Variants in RBPJ observed in about 807,000 individuals in gnomAD.
The protein encoded by RBPJ is recombining binding protein suppressor of hairless.
A neutral mutation model predicts 67.8 loss-of-function variants in RBPJ; 9 were observed. The ratio of observed to expected loss-of-function variants is 0.13; its 90% confidence interval spans 0.08 to 0.23. The LOEUF (loss-of-function observed/expected upper bound fraction) is 0.23. Among genes scored for constraint, RBPJ ranks in the 10% least tolerant of loss-of-function variants. RBPJ has a pLI of 1.00. For missense variants in RBPJ, 305 were observed against 595.6 expected, an observed-to-expected ratio of 0.51 and a Z score of 5.08; for synonymous variants, 198 against 203.3, an observed-to-expected ratio of 0.97 and a Z score of 0.22.
intron 1 of RBPJ, among the ~76,000 whole-genome samples, chr4:26,360,526 C>T (rs1050504807): frequency 6.6e-6 from 1 of 151,088 alleles, no homozygotes; most frequent in Non-Finnish European, 1.5e-5. Flanking sequence ...TGGGACCTCA[C>T]AGCATAAAGG....
At chr4:26,282,068 G>C (rs940557772) in intron 1 of RBPJ, among the ~76,000 whole-genome samples, 1 of 151,632 alleles carries the variant, frequency 6.6e-6, no homozygotes, top group Non-Finnish European at 1.5e-5. Flanking sequence ...TCTAGGAAGA[G>C]AGTCAGTTTC....
chr4:26,131,350 A>T, the RBPJ span, among the ~76,000 whole-genome samples: 1 of 152,184 alleles, frequency 6.6e-6, no homozygotes, highest in Non-Finnish European at 1.5e-5. Flanking sequence ...GCAATTTTTT[A>T]AAAAATGTTA....
chr4:26,351,348 A>G (rs1726780082), intron 1 of RBPJ, among the ~76,000 whole-genome samples: 1 of 152,102 alleles, frequency 6.6e-6, no homozygotes, highest in Non-Finnish European at 1.5e-5. Flanking sequence ...TTGATCACAT[A>G]CTTAGGTCTC....
Position 26,327,788 on chromosome 4 carries a change from C to T in RBPJ, c.20+6740C>T, listed in dbSNP as rs1164376691. 5.9e-5 allele frequency among the ~76,000 whole-genome samples: 9 copies of T among 151,928 alleles called. No homozygotes were observed. The South Asian group carries it at 8.3e-4, about 14-fold the overall frequency. ...TGAGCCCAGGAGTTTGAGGCTGCAA[C>T]GAATGGTGATCATGCCACTGTACTC... On this transcript the variant is annotated intron_variant, in intron 1 of 10. Coordinates refer to ENST00000355476, the MANE Select transcript of RBPJ (RefSeq NM_015874.6).
chr4:26,397,682 G>A (rs1221324428), intron 2 of RBPJ, among the ~76,000 whole-genome samples: 1 of 152,156 alleles, frequency 6.6e-6, no homozygotes, highest in Admixed American at 6.5e-5. Context: ...TGCCCAGGCT[G>A]GAGTGCAGTG....
chr4:26,133,406 C>T, the RBPJ span, among the ~76,000 whole-genome samples: 1 of 152,170 alleles, frequency 6.6e-6, no homozygotes, highest in African/African-American at 2.4e-5. Context: ...GACCTCATCT[C>T]TACTAAAAAA....
chr4:26,324,728 C>T (rs1235364278), intron 1 of RBPJ, among the ~76,000 whole-genome samples: 1 of 152,028 alleles, frequency 6.6e-6, no homozygotes, highest in Non-Finnish European at 1.5e-5. Flanking sequence ...GGGGTTTCGC[C>T]ATGTTGGCCA....
chr4:26,196,827 C>T (rs1464208532), intron 1 of RBPJ, among the ~76,000 whole-genome samples: 8 of 152,188 alleles, frequency 5.3e-5, no homozygotes, highest in Admixed American at 5.2e-4. Flanking sequence ...TCTTCTTTAT[C>T]CTGGGCCAAA....
the RBPJ span, among the ~76,000 whole-genome samples, chr4:26,124,088 G>A: frequency 1.3e-5 from 2 of 151,960 alleles, no homozygotes; most frequent in African/African-American, 4.8e-5. Flanking sequence ...TGGGGAACAG[G>A]TGATGTTTGG....
intron 1 of RBPJ, among the ~76,000 whole-genome samples, chr4:26,286,183 G>C (rs763326063): frequency 2.1e-4 from 31 of 150,392 alleles, no homozygotes; most frequent in Non-Finnish European, 4.2e-4. Flanking sequence ...AGTAATTATA[G>C]AACATGTACT....
chr4:26,343,218 G>A (rs901445481), intron 1 of RBPJ: 9 of 152,292 alleles, frequency 5.9e-5, no homozygotes, highest in Admixed American at 5.2e-4. Flanking sequence ...GAGAGTTTCT[G>A]TTCTGGTAAT....
intron 1 of RBPJ, among the ~76,000 whole-genome samples, chr4:26,254,947 C>T (rs147261890): frequency 0.041 from 5,518 of 135,600 alleles, 265 homozygotes; most frequent in East Asian, 0.13. Flanking sequence ...AGTGATCCAC[C>T]GGCCTTGGCC....
chr4:26,264,333 TAATC>T lies in RBPJ; in HGVS notation c.-166-98109_-166-98106del, dbSNP rs1720642302. Among the ~76,000 whole-genome samples the T allele has an allele frequency of 6.6e-6, 1 of 152,334 alleles. No homozygotes were observed. Among genetic ancestry groups the T allele is most frequent in the Middle Eastern group, 3.4e-3 (1 of 294 alleles). On this transcript the variant is annotated intron_variant, in intron 1 of 4. Transcript: ENST00000512351. The surrounding 1 kb of genome is among the most constrained non-coding windows in gnomAD (Gnocchi z 4.1). Reference sequence around the variant, plus strand: ...TTATTATTAATACTTATTAATTCATTAATCAATGAATACTTTTTAATTCAGCATA... The same window carrying T: ...TTATTATTAATACTTATTAATTCATTAATGAATACTTTTTAATTCAGCATA...
At chr4:26,210,686 C>CTTTCTTTCCTT (rs56289492) in intron 1 of RBPJ, among the ~76,000 whole-genome samples, 4 of 65,396 alleles carry the variant, frequency 6.1e-5, no homozygotes, top group African/African-American at 1.6e-4. Flanking sequence ...TTCTTTCTTT[C>CTTTCTTTCCTT]CTTTCTTTCT....
the RBPJ span, among the ~76,000 whole-genome samples, chr4:26,120,744 CT>C: frequency 4.5e-5 from 5 of 110,462 alleles, no homozygotes; most frequent in African/African-American, 1.7e-4. Context: ...TTTTTGCACA[CT>C]GGAAAATAAG....
chr4:26,300,565 C>T (rs554806390), intron 1 of RBPJ, among the ~76,000 whole-genome samples: 63 of 152,214 alleles, frequency 4.1e-4, no homozygotes, highest in Non-Finnish European at 8.5e-4. Context: ...ATTCAGAGGG[C>T]GGCTGACCTG....
intron 1 of RBPJ, among the ~76,000 whole-genome samples, chr4:26,333,365 C>T (rs1396447065): frequency 6.6e-6 from 1 of 152,102 alleles, no homozygotes; most frequent in Non-Finnish European, 1.5e-5. Context: ...TCTACTCAGT[C>T]CTCAACTACA....
intron 1 of RBPJ, among the ~76,000 whole-genome samples, chr4:26,225,854 A>G (rs1402818346): frequency 6.6e-6 from 1 of 152,154 alleles, no homozygotes; most frequent in Non-Finnish European, 1.5e-5. Context: ...ATAGGGGGAA[A>G]AAAAAGGAAT....
chr4:26,386,480 T>G (rs527674558), intron 2 of RBPJ, 89 bp downstream of exon 2: 2 of 848,144 alleles, frequency 2.4e-6, no homozygotes, highest in East Asian at 5.6e-5. Flanking sequence ...TAGGTACCCT[T>G]AAAGTCATTC....
Sources: gnomAD v4.1 joint callset for allele counts (sites outside exome capture counted in the v4.1 genomes callset) on GRCh38, gnomAD v4.1.1 for gene constraint, Gnocchi (gnomAD v3.1) non-coding constraint, MANE v1.5 for transcripts, NCBI Gene and HGNC (gene_info 2026-07-23, HGNC 2026-07-21) for gene names.